IGDCC4: variants seen among roughly 807,000 people sequenced by gnomAD.
The protein encoded by IGDCC4 is immunoglobulin superfamily DCC subclass member 4.
IGDCC4 carries 72 observed loss-of-function variants against 116.6 expected under a neutral mutation model. The ratio of observed to expected loss-of-function variants is 0.62; its 90% CI spans 0.51 to 0.75. The LOEUF is 0.75. IGDCC4 is among the 30% of genes least tolerant of loss of function. The pLI, the probability that IGDCC4 is intolerant of heterozygous loss-of-function variation, is 0.00. For missense variants in IGDCC4, 1,501 were observed against 1,662.4 expected, an observed-to-expected ratio of 0.90 and a Z score of 1.69; for synonymous variants, 709 against 719.9, an observed-to-expected ratio of 0.98 and a Z score of 0.24.
intron 1 of IGDCC4, 99 bp downstream of exon 1, chr15:65,422,694 G>A (rs981168433): frequency 9.9e-7 from 1 of 1,006,210 alleles, no homozygotes; most frequent in African/African-American, 1.7e-5. Context: ...ACTTGCTCGG[G>A]ACTCCGGCTT....
At chr15:65,421,626 T>G (rs1288252962) in intron 1 of IGDCC4, among the ~76,000 whole-genome samples, 1 of 151,718 alleles carries the variant, frequency 6.6e-6, no homozygotes, top group Non-Finnish European at 1.5e-5. Context: ...CCACGTGGCC[T>G]GGCTGAGTCT....
At chr15:65,404,862 G>C (rs1246074734) in intron 3 of IGDCC4, among the ~76,000 whole-genome samples, 2 of 152,102 alleles carry the variant, frequency 1.3e-5, no homozygotes, top group African/African-American at 2.4e-5. Context: ...ACCAGCCTGG[G>C]CAACATGGCA....
At chr15:65,405,722 T>A (rs1427578448) in intron 3 of IGDCC4, among the ~76,000 whole-genome samples, 1 of 152,198 alleles carries the variant, frequency 6.6e-6, no homozygotes, top group East Asian at 1.9e-4. Context: ...AGTCAGTAGG[T>A]GACTTTTTTC....
chr15:65,394,504 A>G lies in IGDCC4; in HGVS notation c.1621T>C (p.Ser541Pro). 6.2e-7 allele frequency: 1 copy of G among 1,613,068 alleles called. No individual in the cohort carries two copies. Among genetic ancestry groups the G allele is most frequent in the South Asian group, 1.1e-5 (1 of 90,962 alleles). ...PQLSLSSPNP[S>P]DIRVAWLPLP... ...GGCAGCCACGCCACCCTGATGTCCG[A>G]AGGGTTGGGGCTGGACAGGGAGAGC... Residue 541 changes from serine to proline, a missense_variant, in exon 9 of 20, where the codon TCG becomes CCG. Coordinates refer to ENST00000352385, the MANE Select transcript of IGDCC4 (RefSeq NM_020962.3).
chr15:65,390,009 C>G, intron 13 of IGDCC4, 146 bp downstream of exon 13: 1 of 681,778 alleles, frequency 1.5e-6, no homozygotes, highest in South Asian at 2.5e-5. Context: ...TGCAGCCCCT[C>G]TGTGTGGCCT....
intron 13 of IGDCC4, 94 bp downstream of exon 13, chr15:65,390,061 G>A (rs1479216949): frequency 3.6e-6 from 4 of 1,123,708 alleles, no homozygotes; most frequent in Non-Finnish European, 5.1e-6. Context: ...GAATCCCAGG[G>A]GCCCTTCCCT....
At chr15:65,388,740 T>C in intron 15 of IGDCC4, 68 bp downstream of exon 15, 2 of 1,601,736 alleles carry the variant, frequency 1.2e-6, no homozygotes, top group Non-Finnish European at 1.7e-6. Flanking sequence ...CCCAGCACTG[T>C]TCTCACTGCT....
At chr15:65,390,092 C>G (rs1039006093) in intron 13 of IGDCC4, 63 bp downstream of exon 13, 12 of 1,426,924 alleles carry the variant, frequency 8.4e-6, no homozygotes, top group Non-Finnish European at 1.1e-5. Flanking sequence ...TGCTGCCTTC[C>G]CACCACCACC....
At chr15:65,396,285 T>A in intron 6 of IGDCC4, 122 bp from the exon 7 acceptor site, 1 of 1,000,742 alleles carries the variant, frequency 1.0e-6, no homozygotes, top group Non-Finnish European at 1.5e-6. Flanking sequence ...CACTTTAACC[T>A]CTCCCTGATT....
At position 65,392,248 on chromosome 15, in the gene IGDCC4, C is replaced by T. The variant is rs772334133; in HGVS notation, c.2008G>A (p.Ala670Thr). Residue 670 changes from alanine to threonine, a missense_variant, in exon 11 of 20, where the codon GCT becomes ACT. Physicochemically the swap from Ala to Thr is moderately conservative, Grantham distance 58. Coordinates refer to ENST00000352385, the MANE Select transcript of IGDCC4 (RefSeq NM_020962.3). ...GYKLYWREVGAEEEANGDRLP... is the reference protein window; with the variant it reads ...GYKLYWREVGTEEEANGDRLP... ...CGATCGCCATTGGCCTCCTCCTCAGCCCCCACCTCCCGCCAATATAGTTTG... is the reference window on the plus strand; with the variant it reads ...CGATCGCCATTGGCCTCCTCCTCAGTCCCCACCTCCCGCCAATATAGTTTG... 2.7e-5 allele frequency: 44 copies of T among 1,611,938 alleles called. No homozygotes were observed. In the Middle Eastern group the frequency reaches 5.0e-4, roughly 18 times the overall value.
chr15:65,402,494 A>G lies in IGDCC4; in HGVS notation c.564-7T>C. On this transcript the variant is annotated splice_region_variant and splice_polypyrimidine_tract_variant and intron_variant, in intron 3 of 19. Coordinates refer to ENST00000352385, the MANE Select transcript of IGDCC4 (RefSeq NM_020962.3). ...GTTGGGAAGCACGATGAGCCTTGGGAAGAGGGGAGCAGGCAACTGTGAGGT... is the reference window on the plus strand; with the variant it reads ...GTTGGGAAGCACGATGAGCCTTGGGGAGAGGGGAGCAGGCAACTGTGAGGT... 2 of 1,565,508 alleles carry G rather than the reference A, an allele frequency of 1.3e-6. No individual in the cohort carries two copies. Among genetic ancestry groups the G allele is most frequent in the African/African-American group, 1.3e-5 (1 of 74,244 alleles).
rs1357589938 is a variant in IGDCC4, at chr15:65,393,580, G to T, written c.1715-49C>A. 1.3e-6 allele frequency: 2 copies of T among 1,540,224 alleles called. No individual in the cohort carries two copies. The highest frequency in any genetic ancestry group is 3.6e-4 in the Middle Eastern group (2 of 5,508). On this transcript the variant is annotated intron_variant, in intron 9 of 19. Transcript: ENST00000352385. The surrounding 1 kb of genome is among the most constrained non-coding windows in gnomAD (Gnocchi z 4.6). ...TGCTGGGTAGCCACCTGAGGAACAG[G>T]ATCCTAAACCCCCCTACATGGCTCT...
intron 1 of IGDCC4, among the ~76,000 whole-genome samples, chr15:65,412,461 G>A (rs1033436880): frequency 2.1e-4 from 27 of 130,868 alleles, no homozygotes; most frequent in African/African-American, 6.9e-4. Context: ...GCAGTGAGCC[G>A]AGATCGCCCC....
intron 3 of IGDCC4, among the ~76,000 whole-genome samples, chr15:65,406,856 G>A (rs191331376): frequency 3.3e-5 from 5 of 152,258 alleles, no homozygotes; most frequent in African/African-American, 9.6e-5. Flanking sequence ...ACGGGATGAC[G>A]CCTGAGCTAG....
intron 9 of IGDCC4, 45 bp downstream of exon 9, chr15:65,394,366 T>G: frequency 6.2e-7 from 1 of 1,609,544 alleles, no homozygotes; most frequent in Non-Finnish European, 8.5e-7. Flanking sequence ...GCTCTTCACG[T>G]TGATCATTCC....
intron 1 of IGDCC4, among the ~76,000 whole-genome samples, chr15:65,416,691 C>T (rs539822261): frequency 1.3e-5 from 2 of 152,246 alleles, no homozygotes; most frequent in Admixed American, 6.5e-5. Context: ...ACTTGCTGCC[C>T]GCTGGCTTTC....
chr15:65,402,120 A>T (rs996321318), intron 4 of IGDCC4, among the ~76,000 whole-genome samples: 18 of 152,202 alleles, frequency 1.2e-4, no homozygotes, highest in African/African-American at 4.1e-4. Context: ...CTCTGCATGA[A>T]GAGAGGAGCC....
intron 1 of IGDCC4, among the ~76,000 whole-genome samples, chr15:65,415,793 C>T (rs976805295): frequency 4.6e-5 from 7 of 152,180 alleles, no homozygotes; most frequent in East Asian, 1.9e-4. Context: ...GCCCAGGAAG[C>T]GCATCCTTAG....
chr15:65,410,562 G>GT, intron 2 of IGDCC4: 1 of 560,184 alleles, frequency 1.8e-6, no homozygotes, highest in South Asian at 2.1e-5. Context: ...AAACTATACA[G>GT]TAAGATGCAC....
Sources: gnomAD v4.1 joint callset for allele counts (sites outside exome capture counted in the v4.1 genomes callset) on GRCh38, gnomAD v4.1.1 for gene constraint, Gnocchi (gnomAD v3.1) non-coding constraint, MANE v1.5 for transcripts, NCBI Gene and HGNC (gene_info 2026-07-23, HGNC 2026-07-21) for gene names.